The following KLF12 variants were observed in gnomAD, a reference collection of about 807,000 sequenced individuals.
KLF12 encodes the protein KLF transcription factor 12.
Under a neutral mutation model 37.8 loss-of-function variants are expected in KLF12, and 9 were observed. The ratio of observed to expected loss-of-function variants is 0.24; its 90% CI spans 0.14 to 0.42. The LOEUF (loss-of-function observed/expected upper bound fraction) is 0.42, where lower values mean the gene tolerates loss of function less well. KLF12 is among the 10% of genes least tolerant of loss of function. The probability of loss-of-function intolerance (pLI) is 1.00; values close to 1 mark genes in which losing one functional copy is unlikely to be tolerated. For synonymous variants in KLF12, 208 were observed against 202.1 expected (o/e 1.03, Z -0.25); for missense variants, 411 against 516.0 (o/e 0.80, Z 1.97).
the KLF12 span, among the ~76,000 whole-genome samples, chr13:74,208,906 G>T: frequency 5.1e-4 from 78 of 152,250 alleles, no homozygotes; most frequent in Non-Finnish European, 9.0e-4. Flanking sequence ...ACAAACTGTT[G>T]TTTGGTTATC....
At chr13:74,089,332 T>C (rs890411844) in intron 1 of KLF12, among the ~76,000 whole-genome samples, 1 of 152,168 alleles carries the variant, frequency 6.6e-6, no homozygotes, top group African/African-American at 2.4e-5. Context: ...TTTTTAACCC[T>C]AAAAGGACCA....
chr13:74,260,682 A>G, the KLF12 span, among the ~76,000 whole-genome samples: 1 of 151,934 alleles, frequency 6.6e-6, no homozygotes, highest in Admixed American at 6.5e-5. Flanking sequence ...TTCAAATGGA[A>G]AAGCAATAAA....
At chr13:73,698,467 CA>C (rs1235204560) in intron 7 of KLF12, among the ~76,000 whole-genome samples, 1 of 152,032 alleles carries the variant, frequency 6.6e-6, no homozygotes, top group Non-Finnish European at 1.5e-5. Flanking sequence ...AAAATGATAC[CA>C]GTCATACTTT....
At chr13:74,009,007 T>G (rs959413881) in intron 1 of KLF12, among the ~76,000 whole-genome samples, 1 of 152,230 alleles carries the variant, frequency 6.6e-6, no homozygotes, top group Non-Finnish European at 1.5e-5. Flanking sequence ...TTTTCACTAT[T>G]TCCCAGCTGA....
intron 5 of KLF12, among the ~76,000 whole-genome samples, chr13:73,791,660 GTTTGA>G (rs370986849): frequency 7.4e-4 from 113 of 152,140 alleles, no homozygotes; most frequent in African/African-American, 2.7e-3. Context: ...AGTATGATTT[GTTTGA>G]TTTGTTTGCT....
At chr13:74,138,574 A>G (rs555974266), upstream of KLF12, among the ~76,000 whole-genome samples, 159 of 152,286 alleles carry the variant, frequency 1.0e-3, 1 homozygote, top group African/African-American at 3.4e-3. Context: ...GGAAAATGCC[A>G]TTTCGTAACT....
At chr13:73,722,672 T>C (rs1001249710) in intron 6 of KLF12, among the ~76,000 whole-genome samples, 11 of 152,166 alleles carry the variant, frequency 7.2e-5, no homozygotes, top group Non-Finnish European at 1.5e-4. Context: ...ATGTTCTAAT[T>C]TGGATTCAAT....
At chr13:74,305,111 T>C in the KLF12 span, among the ~76,000 whole-genome samples, 2 of 152,034 alleles carry the variant, frequency 1.3e-5, no homozygotes, top group Admixed American at 6.6e-5. Context: ...GAGGGTATTT[T>C]CCCCCATAAA....
chr13:74,192,014 A>G, the KLF12 span, among the ~76,000 whole-genome samples: 1 of 152,076 alleles, frequency 6.6e-6, no homozygotes. Flanking sequence ...AGTGGCTTTT[A>G]GGTTTATGGC....
intron 3 of KLF12, among the ~76,000 whole-genome samples, chr13:73,852,817 G>T (rs1885401194): frequency 6.7e-6 from 1 of 149,438 alleles, no homozygotes; most frequent in Non-Finnish European, 1.5e-5. Context: ...GATTCCTTAA[G>T]AAAATTTGAA....
the KLF12 span, among the ~76,000 whole-genome samples, chr13:74,206,337 AC>A: frequency 6.6e-6 from 1 of 152,186 alleles, no homozygotes; most frequent in Non-Finnish European, 1.5e-5. Flanking sequence ...TGTTATAAAA[AC>A]ATTGACTTTA....
chr13:74,141,982 A>T, the KLF12 span, among the ~76,000 whole-genome samples: 1 of 152,220 alleles, frequency 6.6e-6, no homozygotes, highest in African/African-American at 2.4e-5. Context: ...AGAAAAAAAA[A>T]GAAAAATATA....
At chr13:74,235,400 C>G in the KLF12 span, among the ~76,000 whole-genome samples, 2 of 152,240 alleles carry the variant, frequency 1.3e-5, no homozygotes, top group South Asian at 4.1e-4. Flanking sequence ...CTGCACTTCC[C>G]TATGTTTATT....
chr13:73,768,809 C>A (rs773654275), intron 5 of KLF12, among the ~76,000 whole-genome samples: 17 of 152,160 alleles, frequency 1.1e-4, no homozygotes, highest in Middle Eastern at 3.4e-3. Flanking sequence ...GCTGGGGTCA[C>A]GTAGGTAGTA....
intron 2 of KLF12, among the ~76,000 whole-genome samples, chr13:73,948,009 ACTG>A (rs1462078023): frequency 2.0e-5 from 3 of 152,162 alleles, no homozygotes; most frequent in African/African-American, 7.2e-5. Context: ...GTCAAAAATA[ACTG>A]CTGCTATTTG....
chr13:73,968,935 C>A (rs1239778089), intron 2 of KLF12, among the ~76,000 whole-genome samples: 1 of 151,862 alleles, frequency 6.6e-6, no homozygotes, highest in African/African-American at 2.4e-5. Flanking sequence ...GATCTCTATT[C>A]CCTATCATAA....
chr13:74,237,771 A>T, the KLF12 span, among the ~76,000 whole-genome samples: 3 of 152,216 alleles, frequency 2.0e-5, no homozygotes, highest in African/African-American at 7.2e-5. Flanking sequence ...AATGCTTGTG[A>T]TTTTTGTACA....
the KLF12 span, among the ~76,000 whole-genome samples, chr13:74,273,876 A>G: frequency 1.3e-5 from 2 of 152,234 alleles, no homozygotes; most frequent in East Asian, 3.9e-4. Context: ...CATTTGGGTA[A>G]TAAAGAATAA....
chr13:73,927,794 T>A (rs1889468862), intron 3 of KLF12, among the ~76,000 whole-genome samples: 1 of 151,300 alleles, frequency 6.6e-6, no homozygotes, highest in African/African-American at 2.4e-5. Flanking sequence ...TTCACCGTTT[T>A]AGCCAGGATG....
Sources: allele counts gnomAD v4.1 joint callset (sites outside exome capture counted in the v4.1 genomes callset), GRCh38; gene constraint gnomAD v4.1.1; transcripts MANE v1.5; gene names NCBI Gene and HGNC (gene_info 2026-07-23, HGNC 2026-07-21).